Variants in SAE1 observed in about 807,000 individuals in gnomAD.
SAE1 encodes SUMO-activating enzyme subunit 1.
A neutral mutation model predicts 40.6 loss-of-function variants in SAE1; 11 were observed. The observed-to-expected ratio is 0.27, with a 90% CI of 0.17 to 0.45. SAE1 has a LOEUF of 0.45. Among genes scored for constraint, SAE1 ranks in the 20% least tolerant of loss-of-function variants. The pLI, the probability that SAE1 is intolerant of heterozygous loss-of-function variation, is 1.00. For missense variants in SAE1, 373 were observed against 427.3 expected (o/e 0.87, Z 1.12); for synonymous variants, 155 against 154.3 (o/e 1.00, Z -0.03).
intron 5 of SAE1, 69 bp from the exon 6 acceptor site, chr19:47,169,749 A>AAG: frequency 9.9e-7 from 1 of 1,011,342 alleles, no homozygotes; most frequent in Non-Finnish European, 1.6e-6. Context: ...TGCAATAGAG[A>AAG]AGAGCAACTG....
intron 6 of SAE1, among the ~76,000 whole-genome samples, chr19:47,196,333 CTTTTTTTTTTTTTTTTT>C (rs61498882): frequency 1.8e-4 from 5 of 27,884 alleles, no homozygotes; most frequent in Non-Finnish European, 2.2e-4. Context: ...CCGCGCCTGG[CTTTTTTTTTTTTTTTTT>C]TTTTTTTTTT....
intron 3 of SAE1, among the ~76,000 whole-genome samples, chr19:47,151,678 T>C (rs2058289570): frequency 6.6e-6 from 1 of 152,254 alleles, no homozygotes; most frequent in Non-Finnish European, 1.5e-5. Context: ...TTGTCCTGTT[T>C]TCTTTTTCCT....
At chr19:47,153,940 C>A (rs1421013743) in intron 4 of SAE1, among the ~76,000 whole-genome samples, 1 of 151,988 alleles carries the variant, frequency 6.6e-6, no homozygotes, top group African/African-American at 2.4e-5. Context: ...TACAGGCATG[C>A]GTCACCATGC....
chr19:47,144,928 C>G (rs555562618), intron 2 of SAE1, among the ~76,000 whole-genome samples: 1 of 152,126 alleles, frequency 6.6e-6, no homozygotes, highest in Admixed American at 6.5e-5. Context: ...GCTTCCCGGG[C>G]TCAAGTGATT....
chr19:47,193,626 A>C (rs2058593700), intron 6 of SAE1, among the ~76,000 whole-genome samples: 1 of 151,618 alleles, frequency 6.6e-6, no homozygotes, highest in Non-Finnish European at 1.5e-5. Context: ...ACTTGAGACC[A>C]GGAATTTTTC....
chr19:47,156,456 C>T (rs764219230), intron 5 of SAE1, among the ~76,000 whole-genome samples: 10 of 151,100 alleles, frequency 6.6e-5, no homozygotes, highest in East Asian at 3.9e-4. Context: ...TCCAGCCTGG[C>T]GACAGAACGA....
chr19:47,195,842 T>A (rs1256526831), intron 6 of SAE1, among the ~76,000 whole-genome samples: 1 of 150,094 alleles, frequency 6.7e-6, no homozygotes, highest in Non-Finnish European at 1.5e-5. Context: ...TCAAGTGATC[T>A]TCTGCCTTGG....
At chr19:47,140,670 C>T (rs899478311) in intron 1 of SAE1, among the ~76,000 whole-genome samples, 1 of 151,388 alleles carries the variant, frequency 6.6e-6, no homozygotes, top group Non-Finnish European at 1.5e-5. Flanking sequence ...GTGGTGTGCA[C>T]CTATAGTCCC....
chr19:47,199,741 G>A (rs1162209499), intron 7 of SAE1, among the ~76,000 whole-genome samples: 2 of 152,142 alleles, frequency 1.3e-5, no homozygotes, highest in African/African-American at 2.4e-5. Context: ...GCATGACCCA[G>A]TCCTTCTTCC....
At chr19:47,183,259 T>C (rs763679091) in intron 6 of SAE1, among the ~76,000 whole-genome samples, 3 of 152,018 alleles carry the variant, frequency 2.0e-5, no homozygotes, top group Admixed American at 6.6e-5. Context: ...TAAATCTTCA[T>C]GACAGCCTTA....
chr19:47,182,640 G>C (rs1005612773), intron 6 of SAE1, among the ~76,000 whole-genome samples: 3 of 152,116 alleles, frequency 2.0e-5, no homozygotes, highest in African/African-American at 7.2e-5. Flanking sequence ...ATGCGGCTCA[G>C]TGCCTTACAG....
intron 5 of SAE1, among the ~76,000 whole-genome samples, chr19:47,162,361 C>G (rs1053207085): frequency 6.6e-5 from 10 of 152,030 alleles, no homozygotes; most frequent in Non-Finnish European, 1.0e-4. Context: ...GGGTATATAC[C>G]TGGGAGTAAA....
chr19:47,133,025 A>G (rs2123170093), intron 1 of SAE1, among the ~76,000 whole-genome samples: 1 of 152,314 alleles, frequency 6.6e-6, no homozygotes, highest in Admixed American at 6.5e-5. Flanking sequence ...CTTATATGGG[A>G]AAGAGCCCTG....
At chr19:47,184,267 G>A (rs1269738402) in intron 6 of SAE1, among the ~76,000 whole-genome samples, 1 of 152,134 alleles carries the variant, frequency 6.6e-6, no homozygotes, top group Non-Finnish European at 1.5e-5. Context: ...TTTTCCAAAG[G>A]TGACACTATA....
intron 6 of SAE1, among the ~76,000 whole-genome samples, chr19:47,179,594 G>A (rs1465450410): frequency 2.0e-5 from 3 of 152,086 alleles, no homozygotes; most frequent in African/African-American, 2.4e-5. Flanking sequence ...ACCCCAGGCT[G>A]GAGTGCAGTG....
chr19:47,170,077 T>C (rs1490206108), intron 6 of SAE1, among the ~76,000 whole-genome samples, 154 bp downstream of exon 6: 1 of 152,228 alleles, frequency 6.6e-6, no homozygotes, highest in East Asian at 1.9e-4. Context: ...GGGTGGTCAC[T>C]TGAAGGGGGT....
chr19:47,175,647 A>G (rs530130437), intron 6 of SAE1, among the ~76,000 whole-genome samples: 25 of 152,334 alleles, frequency 1.6e-4, no homozygotes, highest in African/African-American at 5.1e-4. Context: ...CTGAGGTGAG[A>G]GAATCTCTTG....
intron 6 of SAE1, among the ~76,000 whole-genome samples, chr19:47,184,323 T>A (rs2058529297): frequency 1.3e-5 from 2 of 152,226 alleles, no homozygotes; most frequent in African/African-American, 4.8e-5. Flanking sequence ...GTCGTGACCA[T>A]AAGCCTCTCC....
At chr19:47,131,109 G>C in intron 1 of SAE1, 81 bp downstream of exon 1, 2 of 1,453,268 alleles carry the variant, frequency 1.4e-6, no homozygotes, top group Non-Finnish European at 1.8e-6. Flanking sequence ...GAAGGAGCGG[G>C]AAGGTGTGAT....
Sources: gnomAD v4.1 joint callset for allele counts (sites outside exome capture counted in the v4.1 genomes callset) on GRCh38, gnomAD v4.1.1 for gene constraint, MANE v1.5 for transcripts, NCBI Gene and HGNC (gene_info 2026-07-23, HGNC 2026-07-21) for gene names.